RASGRF2: variants seen among roughly 807,000 people sequenced by gnomAD.
RASGRF2 encodes the protein ras-specific guanine nucleotide-releasing factor 2.
In RASGRF2, 76 loss-of-function variants were observed where a neutral mutation model predicts 151.0. That is an observed-to-expected ratio of 0.50 (90% confidence interval 0.42 to 0.61). RASGRF2 has a LOEUF of 0.61. Ranked by LOEUF, RASGRF2 falls within the 20% of genes least tolerant of loss-of-function variation. RASGRF2 has a pLI of 0.00. For missense variants in RASGRF2, 1,148 were observed against 1,564.6 expected (o/e 0.73, Z 4.49); for synonymous variants, 504 against 566.5 (o/e 0.89, Z 1.57).
chr5:81,101,351 T>G (rs1580314793), intron 12 of RASGRF2, among the ~76,000 whole-genome samples: 1 of 151,688 alleles, frequency 6.6e-6, no homozygotes, highest in South Asian at 2.1e-4. Flanking sequence ...TATTATAGTT[T>G]AACTTTTTTT....
At chr5:81,120,574 C>T (rs1216847040) in intron 15 of RASGRF2, among the ~76,000 whole-genome samples, 1 of 152,104 alleles carries the variant, frequency 6.6e-6, no homozygotes, top group African/African-American at 2.4e-5. Flanking sequence ...CAGAGTAAGA[C>T]CCTGTCTCAA....
At chr5:81,187,092 C>T (rs1404170874) in intron 18 of RASGRF2, among the ~76,000 whole-genome samples, 1 of 152,134 alleles carries the variant, frequency 6.6e-6, no homozygotes. Flanking sequence ...TGGTCCAAAC[C>T]CAGACCTTCA....
At chr5:80,961,068 C>T (rs1212817939) in intron 1 of RASGRF2, 42 bp downstream of exon 1, 3 of 1,408,002 alleles carry the variant, frequency 2.1e-6, no homozygotes. Context: ...GCCTTGATCG[C>T]CGCACTCCCT....
chr5:81,223,835 C>CA (rs1755915037), intron 26 of RASGRF2, among the ~76,000 whole-genome samples: 1 of 151,922 alleles, frequency 6.6e-6, no homozygotes, highest in African/African-American at 2.4e-5. Flanking sequence ...TTACCATTCA[C>CA]AAAAATAAAT....
In RASGRF2 at chr5:81,074,473, C is replaced by T. The variant is rs114837381; in HGVS notation, c.887+1021C>T. ...TGCACTGTCACCCTGTCTCTGTCCA[C>T]CCGATTCCCCCCACTTTCTATACGT... is the stretch of plus-strand genomic sequence containing the variant. On this transcript the variant is annotated intron_variant, in intron 5 of 26. Transcript: ENST00000265080. Among the ~76,000 whole-genome samples, 1,140 of 152,300 alleles carry T rather than the reference C, an allele frequency of 7.5e-3. 11 individuals carry two copies. The highest frequency in any genetic ancestry group is 0.048 in the Middle Eastern group (14 of 294).
chr5:80,973,166 C>G (rs1219298936), intron 1 of RASGRF2, among the ~76,000 whole-genome samples: 1 of 152,186 alleles, frequency 6.6e-6, no homozygotes, highest in African/African-American at 2.4e-5. Flanking sequence ...GGGCCTCTCC[C>G]CTGCTGCTCT....
chr5:80,996,193 A>C (rs1336837596), intron 1 of RASGRF2, among the ~76,000 whole-genome samples: 1 of 152,116 alleles, frequency 6.6e-6, no homozygotes, highest in African/African-American at 2.4e-5. Context: ...CACTTTGAGG[A>C]GGAAAGTAAT....
intron 2 of RASGRF2, among the ~76,000 whole-genome samples, chr5:81,065,219 A>T (rs895675577): frequency 2.6e-5 from 4 of 152,310 alleles, no homozygotes; most frequent in Non-Finnish European, 5.9e-5. Context: ...TAATAAATAT[A>T]TGTTGATTTA....
intron 17 of RASGRF2, among the ~76,000 whole-genome samples, chr5:81,167,215 T>C (rs1474108631): frequency 6.6e-6 from 1 of 152,138 alleles, no homozygotes; most frequent in African/African-American, 2.4e-5. Flanking sequence ...CCAGCAGAAA[T>C]TCCTACTTAA....
chr5:81,073,535 G>A, intron 5 of RASGRF2, 83 bp downstream of exon 5: 1 of 1,416,250 alleles, frequency 7.1e-7, no homozygotes, highest in Non-Finnish European at 9.5e-7. Flanking sequence ...CTTTAAAAGG[G>A]TCTCATAAAT....
chr5:81,072,400 T>C (rs1751804703), intron 4 of RASGRF2, among the ~76,000 whole-genome samples: 1 of 152,198 alleles, frequency 6.6e-6, no homozygotes, highest in Non-Finnish European at 1.5e-5. Context: ...GTTTAATACG[T>C]GATCATTTAG....
intron 5 of RASGRF2, among the ~76,000 whole-genome samples, chr5:81,075,584 A>G: frequency 6.6e-6 from 1 of 152,212 alleles, no homozygotes; most frequent in Non-Finnish European, 1.5e-5. Context: ...GTGGGTTTTA[A>G]GAGAAAGCAA....
At chr5:80,975,384 G>A (rs936088825) in intron 1 of RASGRF2, among the ~76,000 whole-genome samples, 1 of 151,884 alleles carries the variant, frequency 6.6e-6, no homozygotes, top group Admixed American at 6.6e-5. Flanking sequence ...GTTGAGGGGT[G>A]GGTCTGCAAC....
At position 81,229,422 on chromosome 5, in the gene RASGRF2, C is replaced by A. The variant is rs947332980; in HGVS notation, c.*3652C>A. The A allele has an allele frequency of 1.3e-5, 2 of 152,118 alleles. No individual in the cohort carries two copies. The highest frequency in any genetic ancestry group is 1.3e-4 in the Admixed American group (2 of 15,276). The allele number at this position is 152,118 out of a possible 1,614,324, so 9.4% of individuals were successfully genotyped here. On this transcript the variant is annotated 3_prime_UTR_variant, in exon 27 of 27. Coordinates refer to ENST00000265080, the MANE Select transcript of RASGRF2 (RefSeq NM_006909.3). ...ATAGATACCACCGTGTAATAGAAGA[C>A]TTAAGTCAATGAAATCTAATCAGTG...
chr5:81,037,978 T>C (rs544166202), intron 1 of RASGRF2, among the ~76,000 whole-genome samples: 3 of 152,358 alleles, frequency 2.0e-5, no homozygotes, highest in Admixed American at 2.0e-4. Context: ...GGAAATGATA[T>C]CATACTGTAT....
At chr5:81,155,947 G>A (rs1754251525) in intron 17 of RASGRF2, among the ~76,000 whole-genome samples, 1 of 152,108 alleles carries the variant, frequency 6.6e-6, no homozygotes, top group Non-Finnish European at 1.5e-5. Context: ...ACTTTATCTT[G>A]CCTGGGAATG....
chr5:81,108,025 C>T (rs1374267759), intron 12 of RASGRF2, among the ~76,000 whole-genome samples: 8 of 152,144 alleles, frequency 5.3e-5, no homozygotes, highest in South Asian at 2.1e-4. Flanking sequence ...AGTTTCTTAC[C>T]GGCATATTCA....
chr5:81,013,293 CA>C (rs1226696628), intron 1 of RASGRF2, among the ~76,000 whole-genome samples: 4 of 152,168 alleles, frequency 2.6e-5, no homozygotes, highest in African/African-American at 9.7e-5. Context: ...AAGATTTGAG[CA>C]AAGTTTCTAA....
chr5:81,094,288 G>A lies in RASGRF2; in HGVS notation c.1552-8G>A, dbSNP rs1223844149. 1.2e-6 allele frequency: 2 copies of A among 1,612,608 alleles called. No homozygotes were observed. Among genetic ancestry groups the A allele is most frequent in the East Asian group, 2.2e-5 (1 of 44,860 alleles). ...CAGCGTCTTAGTGAAAAATTGGTTTGTTTCCAGACAGGTGGGGTTCTGTCT... is the reference window on the plus strand; with the variant it reads ...CAGCGTCTTAGTGAAAAATTGGTTTATTTCCAGACAGGTGGGGTTCTGTCT... On this transcript the variant is annotated splice_region_variant and splice_polypyrimidine_tract_variant and intron_variant, in intron 10 of 26. Transcript: ENST00000265080.
Sources: allele counts gnomAD v4.1 joint callset (sites outside exome capture counted in the v4.1 genomes callset), GRCh38; gene constraint gnomAD v4.1.1; transcripts MANE v1.5; gene names NCBI Gene and HGNC (gene_info 2026-07-23, HGNC 2026-07-21).